The following UBN2 variants were observed in gnomAD, a reference collection of about 807,000 sequenced individuals.
The protein encoded by UBN2 is ubinuclein 2, also known as ubinuclein-2.
A neutral mutation model predicts 120.2 loss-of-function variants in UBN2; 35 were observed. The ratio of observed to expected loss-of-function variants is 0.29; its 90% CI spans 0.22 to 0.39. UBN2 has a LOEUF of 0.39. Among genes scored for constraint, UBN2 ranks in the 10% least tolerant of loss-of-function variants. The pLI is 1.00. For synonymous variants in UBN2, 661 were observed against 648.7 expected (o/e 1.02, Z -0.29); for missense variants, 1,693 against 1,663.2 (o/e 1.02, Z -0.31).
At chr7:139,295,924 CA>C (rs1203199912) in intron 17 of UBN2, among the ~76,000 whole-genome samples, 8 of 145,152 alleles carry the variant, frequency 5.5e-5, no homozygotes, top group Admixed American at 6.8e-5. Context: ...CTGTCCCCCC[CA>C]AAAAAAAAAG....
At chr7:139,269,070 A>G (rs755735286) in intron 7 of UBN2, among the ~76,000 whole-genome samples, 2 of 152,064 alleles carry the variant, frequency 1.3e-5, no homozygotes, top group Admixed American at 1.3e-4. Flanking sequence ...TTAGCTGGGC[A>G]TGGTGGCGGG....
At chr7:139,321,760 C>T in the UBN2 span, among the ~76,000 whole-genome samples, 1 of 152,120 alleles carries the variant, frequency 6.6e-6, no homozygotes, top group Non-Finnish European at 1.5e-5. Context: ...CTCCCAGACT[C>T]AACTCATGGA....
chr7:139,319,692 C>T, the UBN2 span, among the ~76,000 whole-genome samples: 1 of 152,210 alleles, frequency 6.6e-6, no homozygotes, highest in African/African-American at 2.4e-5. Flanking sequence ...CTGGGTCCTC[C>T]TCCTTCTGAC....
chr7:139,265,135 C>T (rs1041574407), intron 6 of UBN2, among the ~76,000 whole-genome samples: 4 of 152,128 alleles, frequency 2.6e-5, no homozygotes, highest in African/African-American at 9.7e-5. Flanking sequence ...ATTCTAAAGA[C>T]TCTTAATCTT....
chr7:139,279,339 T>G lies in UBN2; in HGVS notation c.2046T>G (p.Pro682=). Residue 682 remains proline (P), a synonymous_variant, in exon 13 of 18, where the codon CCT becomes CCG. Coordinates refer to ENST00000473989, the MANE Select transcript of UBN2 (RefSeq NM_173569.4). ...TSAPAKKKVI[P]APKPKVKEVM... ...TTAGGGCAAAGAAAAAGGTGATTCCTGCACCTAAACCCAAAGTAAAGGTAA... is the reference window on the plus strand; with the variant it reads ...TTAGGGCAAAGAAAAAGGTGATTCCGGCACCTAAACCCAAAGTAAAGGTAA... The G allele has an allele frequency of 6.2e-7, 1 of 1,608,440 alleles. No individual in the cohort carries two copies. The highest frequency in any genetic ancestry group is 8.5e-7 in the Non-Finnish European group (1 of 1,178,180).
At chr7:139,284,915 C>G (rs982924545) in intron 15 of UBN2, among the ~76,000 whole-genome samples, 7 of 152,160 alleles carry the variant, frequency 4.6e-5, no homozygotes, top group Non-Finnish European at 1.5e-5. Flanking sequence ...CAAACTTTCT[C>G]TCTTATCAAA....
downstream of UBN2, among the ~76,000 whole-genome samples, chr7:139,308,931 A>C (rs1798408957): frequency 6.6e-6 from 1 of 152,088 alleles, no homozygotes. Flanking sequence ...TTAGCTGGGC[A>C]TGGTGGCATG....
chr7:139,248,772 C>A (rs886764045), intron 2 of UBN2, among the ~76,000 whole-genome samples: 1 of 151,940 alleles, frequency 6.6e-6, no homozygotes, highest in Non-Finnish European at 1.5e-5. Flanking sequence ...GTGAAATCAT[C>A]CCTCATGTCC....
chr7:139,293,577 T>TG, intron 16 of UBN2, 114 bp downstream of exon 16: 11 of 945,514 alleles, frequency 1.2e-5, no homozygotes, highest in Non-Finnish European at 1.7e-5. Flanking sequence ...TTATAGTTTT[T>TG]TTTTTTTTTT....
intron 15 of UBN2, among the ~76,000 whole-genome samples, chr7:139,284,798 G>A (rs1797736027): frequency 6.6e-6 from 1 of 151,926 alleles, no homozygotes; most frequent in South Asian, 2.1e-4. Flanking sequence ...AGTAACAAAG[G>A]TGCACCAGCA....
At chr7:139,236,082 T>G (rs1796155074) in intron 1 of UBN2, among the ~76,000 whole-genome samples, 1 of 152,264 alleles carries the variant, frequency 6.6e-6, no homozygotes, top group South Asian at 2.1e-4. Context: ...TTATCCTTGT[T>G]TTGGTTTTTT....
chr7:139,285,794 G>A (rs1407941037), intron 15 of UBN2, among the ~76,000 whole-genome samples: 1 of 151,964 alleles, frequency 6.6e-6, no homozygotes, highest in African/African-American at 2.4e-5. Context: ...CCACGCTGGA[G>A]GGCAGTGGCG....
At chr7:139,247,864 A>G (rs1223587884) in intron 2 of UBN2, among the ~76,000 whole-genome samples, 3 of 152,118 alleles carry the variant, frequency 2.0e-5, no homozygotes, top group African/African-American at 7.2e-5. Flanking sequence ...CTGGGTATGA[A>G]TATCTTAGGA....
chr7:139,324,068 C>T, the UBN2 span, among the ~76,000 whole-genome samples: 10 of 152,160 alleles, frequency 6.6e-5, no homozygotes, highest in African/African-American at 9.6e-5. Context: ...TCCTAATTCC[C>T]GCTGCCATTC....
chr7:139,277,040 G>C (rs1797463027), intron 12 of UBN2: 1 of 152,030 alleles, frequency 6.6e-6, no homozygotes, highest in Non-Finnish European at 1.5e-5. Context: ...TCCAGCCTGG[G>C]GGACAGAACA....
downstream of UBN2, among the ~76,000 whole-genome samples, chr7:139,308,388 A>G (rs890695924): frequency 3.3e-5 from 5 of 152,138 alleles, no homozygotes; most frequent in African/African-American, 1.2e-4. Context: ...TATACTCACA[A>G]TTTGCAGTCA....
chr7:139,260,288 G>A (rs1458371652), intron 5 of UBN2, among the ~76,000 whole-genome samples: 1 of 151,650 alleles, frequency 6.6e-6, no homozygotes, highest in African/African-American at 2.4e-5. Flanking sequence ...TGTACAGATG[G>A]TGTTTCGCCA....
At position 139,231,410 on chromosome 7, in the gene UBN2, AGGGC is replaced by A; in HGVS notation, c.-70_-67del. ...AGAAAAGCGACAGAGAGCAAGAGGA[AGGGC>A]GGGCAGGCACGCAGCGCGCCGTAGA... On this transcript the variant is annotated 5_prime_UTR_variant, in exon 1 of 18. An upstream open reading frame in the 5' UTR gains an earlier in-frame stop. Transcript: ENST00000473989. 2 of 1,172,618 alleles carry A rather than the reference AGGGC, an allele frequency of 1.7e-6. No individual in the cohort carries two copies. Among genetic ancestry groups the A allele is most frequent in the Non-Finnish European group, 2.2e-6 (2 of 920,778 alleles). The allele number at this position is 1,172,618 out of a possible 1,614,324, so 72.6% of individuals were successfully genotyped here.
the UBN2 span, among the ~76,000 whole-genome samples, chr7:139,319,846 G>T: frequency 6.6e-6 from 1 of 152,054 alleles, no homozygotes; most frequent in Admixed American, 6.5e-5. Flanking sequence ...GGAGGCCGAG[G>T]TGGGCGTATC....
Sources: allele counts gnomAD v4.1 joint callset (sites outside exome capture counted in the v4.1 genomes callset), GRCh38; gene constraint gnomAD v4.1.1; transcripts MANE v1.5; gene names NCBI Gene and HGNC (gene_info 2026-07-23, HGNC 2026-07-21).